GRIN2A: variants seen among roughly 807,000 people sequenced by gnomAD.
The protein encoded by GRIN2A is glutamate receptor ionotropic, NMDA 2A.
In GRIN2A, 22 loss-of-function variants were observed where a neutral mutation model predicts 113.4. The observed-to-expected ratio is 0.19, with a 90% CI of 0.14 to 0.28. GRIN2A has a LOEUF of 0.28. Ranked by LOEUF, GRIN2A falls within the 10% of genes least tolerant of loss-of-function variation. The probability of loss-of-function intolerance (pLI) is 1.00; values close to 1 mark genes in which losing one functional copy is unlikely to be tolerated. For missense variants in GRIN2A, 1,502 were observed against 1,887.0 expected (o/e 0.80, Z 3.78); for synonymous variants, 827 against 738.4 (o/e 1.12, Z -1.94).
chr16:9,899,691 T>A (rs2141511743), intron 3 of GRIN2A, among the ~76,000 whole-genome samples: 1 of 152,204 alleles, frequency 6.6e-6, no homozygotes, highest in East Asian at 1.9e-4. Context: ...AGAAATCTTC[T>A]TAAGGGCAGG....
At chr16:10,133,366 G>A (rs929545400) in intron 2 of GRIN2A, among the ~76,000 whole-genome samples, 2 of 152,206 alleles carry the variant, frequency 1.3e-5, no homozygotes, top group African/African-American at 4.8e-5. Context: ...CCAGCATTTT[G>A]GGAGGCCAAG....
intron 2 of GRIN2A, 105 bp downstream of exon 2, chr16:10,179,893 C>CCCAAAAAAAAAAAAAA: frequency 6.9e-6 from 5 of 719,816 alleles, no homozygotes; most frequent in African/African-American, 1.8e-5. Context: ...CCCCCACCCC[C>CCCAAAAAAAAAAAAAA]ACTTCACATC....
intron 3 of GRIN2A, among the ~76,000 whole-genome samples, chr16:9,912,962 A>G (rs1275563044): frequency 6.6e-6 from 1 of 152,250 alleles, no homozygotes; most frequent in Non-Finnish European, 1.5e-5. Context: ...TATCTAAACC[A>G]ACAGAACTGC....
At chr16:10,156,012 G>A (rs896528584) in intron 2 of GRIN2A, among the ~76,000 whole-genome samples, 10 of 152,114 alleles carry the variant, frequency 6.6e-5, no homozygotes, top group African/African-American at 1.9e-4. Context: ...ATAAATAATC[G>A]CACAGAAATC....
chr16:9,934,584 G>A (rs891809525), intron 3 of GRIN2A, among the ~76,000 whole-genome samples: 5 of 151,010 alleles, frequency 3.3e-5, no homozygotes, highest in African/African-American at 1.2e-4. Context: ...AGGAGGGTGG[G>A]GCGGGAGAAT....
At chr16:10,096,184 T>G (rs2048285814) in intron 2 of GRIN2A, among the ~76,000 whole-genome samples, 1 of 152,170 alleles carries the variant, frequency 6.6e-6, no homozygotes, top group African/African-American at 2.4e-5. Flanking sequence ...CTATGTTTGT[T>G]TTTTAGGCTC....
At chr16:9,833,209 C>T (rs1395187525) in intron 8 of GRIN2A, among the ~76,000 whole-genome samples, 4 of 152,152 alleles carry the variant, frequency 2.6e-5, no homozygotes, top group Non-Finnish European at 4.4e-5. Context: ...TTATAGCTAA[C>T]GAATGCCTCC....
At chr16:10,116,912 G>A (rs1387528285) in intron 2 of GRIN2A, among the ~76,000 whole-genome samples, 2 of 152,128 alleles carry the variant, frequency 1.3e-5, no homozygotes, top group Non-Finnish European at 2.9e-5. Flanking sequence ...AACATTCTTA[G>A]GCAGAGAGAT....
At chr16:9,830,796 C>A (rs1014491636) in intron 8 of GRIN2A, among the ~76,000 whole-genome samples, 1 of 152,208 alleles carries the variant, frequency 6.6e-6, no homozygotes, top group African/African-American at 2.4e-5. Flanking sequence ...GCAGTTAATT[C>A]TCTTATTCTC....
chr16:10,063,370 A>G (rs2047587989), intron 2 of GRIN2A, among the ~76,000 whole-genome samples: 1 of 152,178 alleles, frequency 6.6e-6, no homozygotes, highest in South Asian at 2.1e-4. Flanking sequence ...AAAAGTTGAA[A>G]TTATAATTTA....
chr16:9,880,035 C>T (rs900424583), intron 4 of GRIN2A, among the ~76,000 whole-genome samples: 1 of 152,128 alleles, frequency 6.6e-6, no homozygotes, highest in Admixed American at 6.5e-5. Flanking sequence ...TGAAACAACA[C>T]CTGTTTATGA....
At chr16:9,883,156 G>C (rs912686526) in intron 4 of GRIN2A, among the ~76,000 whole-genome samples, 1 of 152,156 alleles carries the variant, frequency 6.6e-6, no homozygotes, top group African/African-American at 2.4e-5. Context: ...CTTTAGAAGT[G>C]CTATTAAACA....
rs533670705 is a variant in GRIN2A, at chr16:9,989,320, G to A, written c.415-50769C>T. Among the ~76,000 whole-genome samples, 18 of 152,260 alleles carry A rather than the reference G, an allele frequency of 1.2e-4. No individual in the cohort carries two copies. The East Asian group carries it at 3.3e-3, about 28-fold the overall frequency. ...ACCCCCATCCAATAAATGGTGCTGG[G>A]AAAACTGGCTATCCATATGCAAAAG... On this transcript the variant is annotated intron_variant, in intron 2 of 12. Coordinates refer to ENST00000330684, the MANE Select transcript of GRIN2A (RefSeq NM_001134407.3).
chr16:9,930,107 A>G (rs1437289695), intron 3 of GRIN2A, among the ~76,000 whole-genome samples: 1 of 152,168 alleles, frequency 6.6e-6, no homozygotes, highest in Non-Finnish European at 1.5e-5. Flanking sequence ...TGCTGAAGAG[A>G]GGCTGTTGAC....
chr16:9,917,074 C>T (rs545745729), intron 3 of GRIN2A, among the ~76,000 whole-genome samples: 17 of 152,178 alleles, frequency 1.1e-4, no homozygotes, highest in Non-Finnish European at 2.1e-4. Context: ...AGGGACTTTG[C>T]GCACTCTGCT....
chr16:10,174,249 T>G (rs891118962), intron 2 of GRIN2A, among the ~76,000 whole-genome samples: 1 of 152,170 alleles, frequency 6.6e-6, no homozygotes, highest in African/African-American at 2.4e-5. Flanking sequence ...GGACCCTATC[T>G]GTGTCAAGGA....
At chr16:10,173,258 T>G (rs2050079184) in intron 2 of GRIN2A, among the ~76,000 whole-genome samples, 1 of 152,240 alleles carries the variant, frequency 6.6e-6, no homozygotes, top group Admixed American at 6.5e-5. Flanking sequence ...CATTCCGATC[T>G]GTGCGTCTGC....
At chr16:10,120,303 A>G (rs1016857845) in intron 2 of GRIN2A, among the ~76,000 whole-genome samples, 2 of 152,190 alleles carry the variant, frequency 1.3e-5, no homozygotes, top group Non-Finnish European at 2.9e-5. Context: ...GGATGTTGCT[A>G]TATATCTTAC....
intron 3 of GRIN2A, among the ~76,000 whole-genome samples, chr16:9,908,335 G>A (rs534171819): frequency 6.6e-6 from 1 of 152,164 alleles, no homozygotes; most frequent in South Asian, 2.1e-4. Flanking sequence ...AAAGGGCAAA[G>A]GAACTGCTGG....
Sources: allele counts gnomAD v4.1 joint callset (sites outside exome capture counted in the v4.1 genomes callset), GRCh38; gene constraint gnomAD v4.1.1; transcripts MANE v1.5; gene names NCBI Gene and HGNC (gene_info 2026-07-23, HGNC 2026-07-21).